Variants in EZR observed in about 807,000 individuals in gnomAD.
EZR encodes ezrin, also known as cytovillin 2.
A neutral mutation model predicts 74.8 loss-of-function variants in EZR; 40 were observed. The ratio of observed to expected loss-of-function variants is 0.53; its 90% CI spans 0.42 to 0.70. The LOEUF (loss-of-function observed/expected upper bound fraction) is 0.70. Ranked by LOEUF, EZR falls within the 30% of genes least tolerant of loss-of-function variation. The pLI, the probability that EZR is intolerant of heterozygous loss-of-function variation, is 0.00. For synonymous variants in EZR, 341 were observed against 283.3 expected (o/e 1.20, Z -2.05); for missense variants, 678 against 755.8 (o/e 0.90, Z 1.21).
intron 2 of EZR, among the ~76,000 whole-genome samples, chr6:158,814,076 T>C (rs1334119323): frequency 6.6e-6 from 1 of 152,058 alleles, no homozygotes; most frequent in African/African-American, 2.4e-5. Context: ...CAACTCTCCC[T>C]AGATGGGGCA....
chr6:158,771,274 C>T lies in EZR; in HGVS notation c.929G>A (p.Arg310Gln), dbSNP rs1163752097. ...IEVQQMKAQA[R>Q]EEKHQKQLER... ...CAGCTGCTTCTGATGCTTCTCCTCC[C>T]GGGCCTGGGCCTTCATCTGCTGCAC... The change falls in exon 9 of 14, where the codon CGG (arginine) becomes CAG (glutamine). Residue 310 changes from arginine (R) to glutamine (Q), a missense_variant. Around this residue, in one of 3 missense-constraint regions of EZR, gnomAD observed 119 missense variants for 182.3 expected, o/e 0.65. Transcript: ENST00000367075. 12 of 1,613,920 alleles carry T rather than the reference C, an allele frequency of 7.4e-6. No individual in the cohort carries two copies. Among genetic ancestry groups the T allele is most frequent in the South Asian group, 2.2e-5 (2 of 91,054 alleles).
At chr6:158,770,054 T>G (rs1262342589) in intron 10 of EZR, 110 bp from the exon 11 acceptor site, 1 of 1,415,922 alleles carries the variant, frequency 7.1e-7, no homozygotes, top group Non-Finnish European at 9.5e-7. Context: ...AAGTCACAGG[T>G]TGAGGGGATG....
chr6:158,808,315 G>A (rs963243836), intron 2 of EZR, among the ~76,000 whole-genome samples: 6 of 152,102 alleles, frequency 3.9e-5, no homozygotes, highest in Non-Finnish European at 7.4e-5. Context: ...CCAAGCTTTC[G>A]GGAAGCAGTT....
At chr6:158,798,319 T>C (rs1300416832) in intron 2 of EZR, among the ~76,000 whole-genome samples, 1 of 152,220 alleles carries the variant, frequency 6.6e-6, no homozygotes, top group African/African-American at 2.4e-5. Flanking sequence ...CTGTGGTCAT[T>C]TTCAAAAGAA....
intron 4 of EZR, among the ~76,000 whole-genome samples, chr6:158,785,889 T>C (rs1034294594): frequency 7.3e-5 from 11 of 151,664 alleles, no homozygotes; most frequent in African/African-American, 2.4e-4. Context: ...TCTACAACAT[T>C]TTTTAAAAAA....
chr6:158,779,374 G>A (rs191043993), intron 7 of EZR, among the ~76,000 whole-genome samples: 7 of 152,198 alleles, frequency 4.6e-5, no homozygotes, highest in Middle Eastern at 3.4e-3. Flanking sequence ...AGAGGGTCCC[G>A]GGGCAGAAAT....
At chr6:158,794,277 AACC>A (rs1350464878) in intron 2 of EZR, among the ~76,000 whole-genome samples, 2 of 152,086 alleles carry the variant, frequency 1.3e-5, no homozygotes, top group Non-Finnish European at 1.5e-5. Flanking sequence ...GAAGACTCAA[AACC>A]ACCACAACCA....
At chr6:158,809,686 C>A (rs1409593301) in intron 2 of EZR, among the ~76,000 whole-genome samples, 1 of 152,080 alleles carries the variant, frequency 6.6e-6, no homozygotes, top group Non-Finnish European at 1.5e-5. Context: ...AAATATTAGT[C>A]CAGCCATAAA....
At chr6:158,773,902 GGCAGGCCGTGTCAGCTGT>G (rs1426592342) in intron 8 of EZR, among the ~76,000 whole-genome samples, 20 of 152,174 alleles carry the variant, frequency 1.3e-4, no homozygotes, top group African/African-American at 4.8e-4. Flanking sequence ...GTGTCACCTG[GGCAGGCCGTGTCAGCTGT>G]ATACAAGGTC....
chr6:158,786,828 T>C (rs1376471232), intron 4 of EZR, among the ~76,000 whole-genome samples: 2 of 152,244 alleles, frequency 1.3e-5, no homozygotes, highest in Admixed American at 1.3e-4. Flanking sequence ...ATTCACAGTT[T>C]ATAAGATTAA....
At chr6:158,811,369 G>A (rs1777448153) in intron 2 of EZR, among the ~76,000 whole-genome samples, 1 of 148,170 alleles carries the variant, frequency 6.7e-6, no homozygotes, top group African/African-American at 2.5e-5. Context: ...TTAGAAAGCA[G>A]ACTGAATTTC....
chr6:158,787,207 CGT>C lies in EZR; in HGVS notation c.97-6_97-5del. Reference sequence around the variant, plus strand: ...GGAGGCCGATAGTCTTTACCACCTGCGTGAGAGAGAGAGAGGCTCAACACTCA... The same window carrying C: ...GGAGGCCGATAGTCTTTACCACCTGCGAGAGAGAGAGAGGCTCAACACTCA... On this transcript the variant is annotated splice_polypyrimidine_tract_variant and splice_region_variant and intron_variant, in intron 3 of 13. Coordinates refer to ENST00000367075, the MANE Select transcript of EZR (RefSeq NM_001111077.2). 1 of 1,610,688 alleles carries C rather than the reference CGT, an allele frequency of 6.2e-7. No individual in the cohort carries two copies. The highest frequency in any genetic ancestry group is 8.5e-7 in the Non-Finnish European group (1 of 1,177,200).
chr6:158,770,015 C>G (rs2128565083), intron 10 of EZR, 71 bp from the exon 11 acceptor site: 1 of 1,576,540 alleles, frequency 6.3e-7, no homozygotes, highest in Non-Finnish European at 8.6e-7. Context: ...CTTTCCATTC[C>G]CACCCCCAAA....
rs1257605817 is a variant in EZR at position 158,798,629 on chromosome 6, T to G, written c.13-9258A>C. ...ACTTAGTTTGCTGCTCCGCTTTTTT[T>G]TTTTTTTTTTTTTTTTTTGAGAAAG... On this transcript the variant is annotated intron_variant, in intron 2 of 13. Transcript: ENST00000367075. Among the ~76,000 whole-genome samples the G allele has an allele frequency of 7.1e-4, 106 of 148,346 alleles. 1 individual carries two copies. Among genetic ancestry groups the G allele is most frequent in the African/African-American group, 2.1e-3 (85 of 40,416 alleles).
intron 2 of EZR, among the ~76,000 whole-genome samples, chr6:158,802,350 A>T (rs1273667008): frequency 6.6e-6 from 1 of 152,238 alleles, no homozygotes; most frequent in Non-Finnish European, 1.5e-5. Flanking sequence ...CACTGTTTCA[A>T]ATTTTAACTG....
intron 8 of EZR, among the ~76,000 whole-genome samples, chr6:158,775,181 C>A (rs1227930005): frequency 1.3e-5 from 2 of 151,836 alleles, no homozygotes; most frequent in Non-Finnish European, 2.9e-5. Context: ...TACAGGCGCC[C>A]ACCACCACGC....
At chr6:158,791,165 C>G (rs916592408) in intron 2 of EZR, among the ~76,000 whole-genome samples, 3 of 151,972 alleles carry the variant, frequency 2.0e-5, no homozygotes, top group African/African-American at 7.3e-5. Context: ...CCCTTAAAGG[C>G]TCCCCGACTG....
rs543687514 is a variant in EZR, at chr6:158,790,811, T to C, written c.13-1440A>G. On this transcript the variant is annotated intron_variant, in intron 2 of 13. Transcript: ENST00000367075. ...AAAACACTCAAATCTGGCTACTTTA[T>C]GTCACTGTCCCAAAGAAAACAGCAG... 7.2e-5 allele frequency among the ~76,000 whole-genome samples: 11 copies of C among 152,346 alleles called. No homozygotes were observed. In the South Asian group the frequency reaches 2.3e-3, roughly 32 times the overall value.
intron 2 of EZR, among the ~76,000 whole-genome samples, chr6:158,805,490 G>C (rs1276528322): frequency 6.6e-6 from 1 of 151,960 alleles, no homozygotes; most frequent in East Asian, 1.9e-4. Context: ...ATTATACAAT[G>C]TTAAAGAACA....
Sources: allele counts gnomAD v4.1 joint callset (sites outside exome capture counted in the v4.1 genomes callset), GRCh38; gene constraint gnomAD v4.1.1; regional missense constraint gnomAD v4.1.1; transcripts MANE v1.5; gene names NCBI Gene and HGNC (gene_info 2026-07-23, HGNC 2026-07-21).